ABCC11: variants seen among roughly 807,000 people sequenced by gnomAD.
ABCC11 encodes the protein ATP binding cassette subfamily C member 11.
ABCC11 carries 135 observed loss-of-function variants against 149.3 expected under a neutral mutation model. The observed-to-expected ratio is 0.90, with a 90% CI of 0.79 to 1.04. The LOEUF is 1.04. Among genes scored for constraint, ABCC11 ranks in the 50% least tolerant of loss-of-function variants. The pLI is 0.00. For missense variants in ABCC11, 1,680 were observed against 1,722.1 expected, an observed-to-expected ratio of 0.98 and a Z score of 0.43; for synonymous variants, 665 against 671.4, an observed-to-expected ratio of 0.99 and a Z score of 0.15.
At chr16:48,182,488 T>C (rs144359214) in intron 23 of ABCC11, among the ~76,000 whole-genome samples, 59 of 152,194 alleles carry the variant, frequency 3.9e-4, no homozygotes, top group African/African-American at 1.3e-3. Context: ...GTTAAGAACA[T>C]GTAGTTTGGG....
At chr16:48,170,705 C>T (rs142252612) in intron 27 of ABCC11, among the ~76,000 whole-genome samples, 184 bp downstream of exon 27, 40 of 152,302 alleles carry the variant, frequency 2.6e-4, no homozygotes, top group African/African-American at 8.4e-4. Flanking sequence ...GTCTGGCACA[C>T]GGTTGGTGTC....
At chr16:48,209,844 A>T (rs1421888131) in intron 11 of ABCC11, 3 of 152,172 alleles carry the variant, frequency 2.0e-5, no homozygotes, top group Non-Finnish European at 4.4e-5. Context: ...GAAATAAAAA[A>T]TATATATTAA....
At chr16:48,227,668 A>T in intron 4 of ABCC11, 138 bp downstream of exon 4, 1 of 1,059,820 alleles carries the variant, frequency 9.4e-7, no homozygotes, top group Non-Finnish European at 1.4e-6. Flanking sequence ...ACCCTCACCT[A>T]GTATGAGGCC....
At chr16:48,175,541 C>G in intron 25 of ABCC11, 124 bp from the exon 26 acceptor site, 2 of 1,185,054 alleles carry the variant, frequency 1.7e-6, no homozygotes, top group Non-Finnish European at 2.3e-6. Flanking sequence ...CACTGTGAGC[C>G]CTGAAGGGGT....
At position 48,196,287 on chromosome 16, in the gene ABCC11, C is replaced by T. The variant is rs544152488; in HGVS notation, c.2349G>A (p.Met783Ile). Residue 783 changes from methionine to isoleucine, a missense_variant, in exon 18 of 30, where the codon ATG becomes ATA. Coordinates refer to ENST00000356608, the MANE Select transcript of ABCC11 (RefSeq NM_001370497.1). Reference sequence around the variant, plus strand: ...CCCTCCAACTCAAGGAGCCTTCTTCCATCTCCTCCTCCTGTGTGAGCTGAT... The same window carrying T: ...CCCTCCAACTCAAGGAGCCTTCTTCTATCTCCTCCTCCTGTGTGAGCTGAT... Reference protein sequence around the residue: ...PEHQLTQEEEMEEGSLSWRVY... With the variant: ...PEHQLTQEEEIEEGSLSWRVY... 17 of 1,613,996 alleles carry T rather than the reference C, an allele frequency of 1.1e-5. No individual in the cohort carries two copies. The highest frequency in any genetic ancestry group is 8.0e-5 in the African/African-American group (6 of 74,926).
chr16:48,169,991 G>A (rs898550892), intron 28 of ABCC11, 114 bp downstream of exon 28: 17 of 690,502 alleles, frequency 2.5e-5, no homozygotes, highest in African/African-American at 2.4e-4. Flanking sequence ...TTGTTAAGAC[G>A]TACACCACAG....
At chr16:48,205,743 A>G (rs888739602) in intron 12 of ABCC11, among the ~76,000 whole-genome samples, 2 of 152,120 alleles carry the variant, frequency 1.3e-5, no homozygotes, top group African/African-American at 4.8e-5. Flanking sequence ...AGCTGGAGAT[A>G]AGCCCAGCCA....
At chr16:48,235,428 A>G (rs2150929210) in intron 1 of ABCC11, among the ~76,000 whole-genome samples, 1 of 152,376 alleles carries the variant, frequency 6.6e-6, no homozygotes, top group Non-Finnish European at 1.5e-5. Flanking sequence ...AGATTCATCC[A>G]GGAAACTAAC....
intron 25 of ABCC11, among the ~76,000 whole-genome samples, chr16:48,176,217 C>A (rs1485864893): frequency 3.9e-5 from 6 of 152,178 alleles, no homozygotes; most frequent in African/African-American, 1.4e-4. Context: ...AGGAGACAGA[C>A]CAGGCAGGCC....
At chr16:48,170,823 C>T in intron 27 of ABCC11, 66 bp downstream of exon 27, 2 of 1,474,206 alleles carry the variant, frequency 1.4e-6, no homozygotes, top group Non-Finnish European at 9.4e-7. Context: ...GAGAGGAGCC[C>T]CAAAGGGGCA....
chr16:48,170,822 C>A, intron 27 of ABCC11, 67 bp downstream of exon 27: 1 of 1,452,732 alleles, frequency 6.9e-7, no homozygotes, highest in Non-Finnish European at 9.6e-7. Flanking sequence ...TGAGAGGAGC[C>A]CCAAAGGGGC....
At chr16:48,214,582 A>G (rs1239661058) in intron 9 of ABCC11, among the ~76,000 whole-genome samples, 1 of 152,188 alleles carries the variant, frequency 6.6e-6, no homozygotes, top group Non-Finnish European at 1.5e-5. Context: ...TTTAGGGATT[A>G]GAGGAACTCC....
chr16:48,242,292 A>G (rs1470775689), intron 1 of ABCC11, among the ~76,000 whole-genome samples: 1 of 152,366 alleles, frequency 6.6e-6, no homozygotes, highest in Non-Finnish European at 1.5e-5. Context: ...GACACATGAA[A>G]AAATGCTCAT....
intron 18 of ABCC11, among the ~76,000 whole-genome samples, chr16:48,194,990 C>T (rs961068856): frequency 2.2e-4 from 33 of 152,302 alleles, no homozygotes; most frequent in African/African-American, 7.0e-4. Flanking sequence ...GGATTTGAAG[C>T]AGTTAAGGGC....
chr16:48,170,747 A>G (rs1472304279), intron 27 of ABCC11, 142 bp downstream of exon 27: 1 of 769,092 alleles, frequency 1.3e-6, no homozygotes, highest in African/African-American at 1.7e-5. Context: ...TAGGAATGCC[A>G]AGTCATCTCA....
chr16:48,181,981 G>C (rs1028463399), intron 23 of ABCC11, among the ~76,000 whole-genome samples: 1 of 152,200 alleles, frequency 6.6e-6, no homozygotes, highest in African/African-American at 2.4e-5. Flanking sequence ...GCCTGGAAGA[G>C]AGCACGGCCA....
chr16:48,179,376 G>A (rs988366356), intron 23 of ABCC11, among the ~76,000 whole-genome samples: 12 of 152,174 alleles, frequency 7.9e-5, no homozygotes, highest in African/African-American at 1.9e-4. Context: ...AAACTGAGGC[G>A]CCAAAAGAAG....
rs139430625 is a variant in ABCC11 at position 48,210,974 on chromosome 16, G to A, written c.1582C>T (p.His528Tyr). 475 of 1,614,204 alleles carry A rather than the reference G, an allele frequency of 2.9e-4. 2 individuals are homozygous for A. In the African/African-American group the frequency reaches 5.1e-3, roughly 17 times the overall value. Residue 528 changes from histidine to tyrosine, a missense_variant, in exon 11 of 30, where the codon CAC becomes TAC. By Grantham distance (83) the His-to-Tyr change is moderately conservative. Transcript: ENST00000356608. ...EEGNSLGPELHKINLVVSKGM... is the reference protein window; with the variant it reads ...EEGNSLGPELYKINLVVSKGM... The stretch of plus-strand genomic sequence containing the variant: ...TTGGACACCACCAGGTTGATCTTGT[G>A]CAACTCTGGGCCCAGGCTGTTCCCT...
In ABCC11 at chr16:48,170,234, AAG is replaced by A; in HGVS notation, c.3778-18_3778-17del. ...ACTTTGAGATCTGCGATATGGGAAGAAGAGACAACATAACCTGGAAGCCACTG... is the reference window on the plus strand; with the variant it reads ...ACTTTGAGATCTGCGATATGGGAAGAAGACAACATAACCTGGAAGCCACTG... On this transcript the variant is annotated splice_polypyrimidine_tract_variant and intron_variant, in intron 27 of 29. Coordinates refer to ENST00000356608, the MANE Select transcript of ABCC11 (RefSeq NM_001370497.1). 6.3e-7 allele frequency: 1 copy of A among 1,599,982 alleles called. No homozygotes were observed. Among genetic ancestry groups the A allele is most frequent in the Non-Finnish European group, 8.6e-7 (1 of 1,167,258 alleles).
Sources: gnomAD v4.1 joint callset for allele counts (sites outside exome capture counted in the v4.1 genomes callset) on GRCh38, gnomAD v4.1.1 for gene constraint, MANE v1.5 for transcripts, NCBI Gene and HGNC (gene_info 2026-07-23, HGNC 2026-07-21) for gene names.